COL11A1: variants seen among roughly 807,000 people sequenced by gnomAD.
COL11A1 encodes the protein collagen alpha-1(XI) chain.
COL11A1 carries 74 observed loss-of-function variants against 265.2 expected under a neutral mutation model. The observed-to-expected ratio is 0.28, with a 90% CI of 0.23 to 0.34. The LOEUF is 0.34. COL11A1 is among the 10% of genes least tolerant of loss of function. The pLI is 1.00. For missense variants in COL11A1, 2,165 were observed against 2,263.6 expected (o/e 0.96, Z 0.88); for synonymous variants, 816 against 727.6 (o/e 1.12, Z -1.96).
chr1:102,995,825 T>C (rs1409302363), intron 28 of COL11A1, 39 bp downstream of exon 28: 3 of 1,503,358 alleles, frequency 2.0e-6, no homozygotes, highest in Non-Finnish European at 9.2e-7. Flanking sequence ...GTTAACATAA[T>C]ACACAGAAAT....
chr1:102,889,389 G>GTGT (rs2100856579), intron 59 of COL11A1, 66 bp downstream of exon 59: 1 of 937,930 alleles, frequency 1.1e-6, no homozygotes, highest in East Asian at 2.4e-5. Flanking sequence ...AGGACTGTGT[G>GTGT]TGTGTGTGTG....
chr1:102,989,288 GT>G (rs949534609), intron 29 of COL11A1, among the ~76,000 whole-genome samples: 4 of 151,716 alleles, frequency 2.6e-5, no homozygotes, highest in African/African-American at 9.7e-5. Context: ...GCATGCTCAT[GT>G]TTATTATGGA....
At chr1:102,897,443 A>AT (rs375119467) in intron 57 of COL11A1, among the ~76,000 whole-genome samples, 194 of 150,404 alleles carry the variant, frequency 1.3e-3, no homozygotes, top group East Asian at 2.9e-3. Context: ...AAGAAAAAAA[A>AT]ATATATATAT....
intron 56 of COL11A1, 36 bp downstream of exon 56, chr1:102,898,630 T>G: frequency 6.4e-7 from 1 of 1,567,464 alleles, no homozygotes; most frequent in South Asian, 1.1e-5. Flanking sequence ...AAAAATGTTA[T>G]TTTCAAAATG....
At chr1:103,032,768 T>C (rs1668080451) in intron 4 of COL11A1, among the ~76,000 whole-genome samples, 1 of 152,152 alleles carries the variant, frequency 6.6e-6, no homozygotes, top group Non-Finnish European at 1.5e-5. Flanking sequence ...AGAATTAGGA[T>C]TTATTTTTAA....
At chr1:102,936,718 A>G (rs541408817) in intron 44 of COL11A1, among the ~76,000 whole-genome samples, 2 of 152,338 alleles carry the variant, frequency 1.3e-5, no homozygotes, top group African/African-American at 4.8e-5. Flanking sequence ...AAAATTATGT[A>G]TGAAACATAG....
At chr1:102,987,199 T>G (rs1570951333) in intron 30 of COL11A1, among the ~76,000 whole-genome samples, 1 of 151,972 alleles carries the variant, frequency 6.6e-6, no homozygotes, top group South Asian at 2.1e-4. Flanking sequence ...CTCTTAGGAG[T>G]ATTTAATAGG....
chr1:102,896,328 A>ACT, intron 57 of COL11A1, among the ~76,000 whole-genome samples: 1 of 149,856 alleles, frequency 6.7e-6, no homozygotes, highest in South Asian at 2.1e-4. Context: ...AACCATAATA[A>ACT]GTTACTTCTC....
intron 1 of COL11A1, among the ~76,000 whole-genome samples, chr1:103,097,893 T>C (rs1673911807): frequency 6.6e-6 from 1 of 151,998 alleles, no homozygotes; most frequent in Non-Finnish European, 1.5e-5. Flanking sequence ...ATTTAACTTT[T>C]ACAGTTATTG....
chr1:103,004,774 T>C (rs1364711605), intron 18 of COL11A1, 113 bp from the exon 19 acceptor site: 3 of 908,342 alleles, frequency 3.3e-6, no homozygotes, highest in Non-Finnish European at 1.7e-6. Context: ...GGAAAATATA[T>C]GCTTTATTTA....
At chr1:102,962,287 G>T (rs199742223) in intron 39 of COL11A1, 22 bp from the exon 40 acceptor site, 1 of 1,551,308 alleles carries the variant, frequency 6.4e-7, no homozygotes, top group Non-Finnish European at 8.9e-7. Context: ...AATAAACATC[G>T]TCAAGACAGA....
chr1:103,091,162 C>T (rs1673286416), intron 1 of COL11A1, among the ~76,000 whole-genome samples: 2 of 151,984 alleles, frequency 1.3e-5, no homozygotes, highest in South Asian at 2.1e-4. Flanking sequence ...ATAGCTTAAA[C>T]ACAGCGGGCC....
chr1:103,000,993 T>G (rs1665049156), intron 24 of COL11A1: 2 of 391,208 alleles, frequency 5.1e-6, no homozygotes, highest in Non-Finnish European at 9.0e-6. Flanking sequence ...AAGTCAGACA[T>G]AAAGGTCACA....
chr1:102,961,818 G>A (rs755885127), intron 41 of COL11A1, 48 bp downstream of exon 41: 7 of 1,528,864 alleles, frequency 4.6e-6, no homozygotes, highest in Non-Finnish European at 6.3e-6. Context: ...AAGAAGAGCT[G>A]TAATTCACAA....
intron 57 of COL11A1, among the ~76,000 whole-genome samples, chr1:102,897,503 C>G (rs942493407): frequency 3.3e-5 from 5 of 151,784 alleles, no homozygotes; most frequent in Admixed American, 2.6e-4. Flanking sequence ...AAGGGCAAGT[C>G]TTTTATTCTC....
chr1:103,076,898 T>C (rs1672014923), intron 3 of COL11A1, among the ~76,000 whole-genome samples: 1 of 152,152 alleles, frequency 6.6e-6, no homozygotes, highest in Non-Finnish European at 1.5e-5. Context: ...TGTTCACTCA[T>C]GATGAATGTC....
rs774737090 is a variant in COL11A1, at chr1:102,887,012, G to T, written c.4653C>A (p.Ser1551=). Residue 1551 remains serine, a synonymous_variant, in exon 63 of 67, where the codon TCC becomes TCA. Transcript: ENST00000370096. ...EVIQPLPILS[S]KKTRRHTEGM... is the part of the protein sequence containing the mutation. ...CTTCAGTATGTCTTCTCGTTTTTTT[G>T]GAGGACAAGATTGGTAAAGGCTGAA... The T allele has an allele frequency of 6.2e-7, 1 of 1,613,706 alleles. No homozygotes were observed. Among genetic ancestry groups the T allele is most frequent in the Non-Finnish European group, 8.5e-7 (1 of 1,179,804 alleles).
At chr1:102,890,412 G>GCATATT (rs1461118025) in intron 58 of COL11A1, 39 bp downstream of exon 58, 2 of 1,539,438 alleles carry the variant, frequency 1.3e-6, no homozygotes, top group Non-Finnish European at 1.8e-6. Flanking sequence ...GTATATAAAA[G>GCATATT]CATATTCTTT....
chr1:103,049,359 T>C (rs1257238912), intron 4 of COL11A1, among the ~76,000 whole-genome samples: 2 of 152,196 alleles, frequency 1.3e-5, no homozygotes, highest in Non-Finnish European at 2.9e-5. Context: ...TGTAATGGCC[T>C]TCTTTGTCTC....
Sources: gnomAD v4.1 joint callset for allele counts (sites outside exome capture counted in the v4.1 genomes callset) on GRCh38, gnomAD v4.1.1 for gene constraint, MANE v1.5 for transcripts, NCBI Gene and HGNC (gene_info 2026-07-23, HGNC 2026-07-21) for gene names.